The following SAV1 variants were observed in gnomAD, a reference collection of about 807,000 sequenced individuals.
The protein encoded by SAV1 is salvador family WW domain containing protein 1.
SAV1 carries 23 observed loss-of-function variants against 47.3 expected under a neutral mutation model. That is an observed-to-expected ratio of 0.49 (90% CI 0.35 to 0.69). SAV1 has a LOEUF of 0.69. Among genes scored for constraint, SAV1 ranks in the 30% least tolerant of loss-of-function variants. The probability of loss-of-function intolerance (pLI) is 0.01; values close to 1 mark genes in which losing one functional copy is unlikely to be tolerated. For missense variants in SAV1, 448 were observed against 457.4 expected (o/e 0.98, Z 0.19); for synonymous variants, 155 against 159.2 (o/e 0.97, Z 0.20).
intron 2 of SAV1, among the ~76,000 whole-genome samples, 175 bp from the exon 3 acceptor site, chr14:50,645,189 T>C (rs924017831): frequency 7.9e-5 from 12 of 152,252 alleles, no homozygotes; most frequent in African/African-American, 2.6e-4. Flanking sequence ...TATTAAGGAA[T>C]TATAAAAAGG....
rs2039891998 is a variant in SAV1 at position 50,665,325 on chromosome 14, C to G, written c.389G>C (p.Gly130Ala). The change falls in exon 2 of 5, where the codon GGT becomes GCT. Residue 130 changes from glycine (G) to alanine (A), a missense_variant. By Grantham distance (60) the Gly-to-Ala change is moderately conservative. Transcript: ENST00000324679. ...ATTGTCTGAATAATAATATCGGGAA[C>G]CAGAGTCTCCATTTTCAACAGCAAA... ...VSFAVENGDS[G>A]SRYYYSDNFF... 1 of 1,613,598 alleles carries G rather than the reference C, an allele frequency of 6.2e-7. No individual in the cohort carries two copies. Among genetic ancestry groups the G allele is most frequent in the African/African-American group, 1.3e-5 (1 of 74,862 alleles).
chr14:50,657,579 A>G lies in SAV1; in HGVS notation c.535+7600T>C, dbSNP rs538371306. Reference sequence around the variant, plus strand: ...TTCTTTAAAGAAAAATATGACTACCACTAGTAAAAGAAAAAGCAAGCCACC... The same window carrying G: ...TTCTTTAAAGAAAAATATGACTACCGCTAGTAAAAGAAAAAGCAAGCCACC... On this transcript the variant is annotated intron_variant, in intron 2 of 4. Transcript: ENST00000324679. 7.7e-4 allele frequency among the ~76,000 whole-genome samples: 117 copies of G among 152,336 alleles called. No homozygotes were observed. In the East Asian group the frequency reaches 0.013, roughly 17 times the overall value.
chr14:50,667,698 T>C (rs1295786701), intron 1 of SAV1, among the ~76,000 whole-genome samples, 176 bp downstream of exon 1: 2 of 151,972 alleles, frequency 1.3e-5, no homozygotes, highest in Non-Finnish European at 2.9e-5. Flanking sequence ...AGTTTCTTAC[T>C]CTTATGGGCT....
At chr14:50,664,156 G>A (rs1343266641) in intron 2 of SAV1, 2 of 152,142 alleles carry the variant, frequency 1.3e-5, no homozygotes, top group Admixed American at 1.3e-4. Context: ...TGACCATTGT[G>A]TATAGATTGG....
intron 2 of SAV1, among the ~76,000 whole-genome samples, chr14:50,655,811 C>A (rs1275769150): frequency 6.6e-6 from 1 of 151,824 alleles, no homozygotes; most frequent in Non-Finnish European, 1.5e-5. Context: ...ACTGGGGGGC[C>A]GAGGTGGGTG....
At chr14:50,651,108 TC>T (rs1180794199) in intron 2 of SAV1, among the ~76,000 whole-genome samples, 1 of 151,700 alleles carries the variant, frequency 6.6e-6, no homozygotes, top group Non-Finnish European at 1.5e-5. Context: ...GTGTGTGAAC[TC>T]CAACTTCATG....
At chr14:50,659,073 ATTTTTTTT>A (rs33946852) in intron 2 of SAV1, among the ~76,000 whole-genome samples, 5 of 131,124 alleles carry the variant, frequency 3.8e-5, no homozygotes, top group African/African-American at 1.5e-4. Context: ...GCTGTAAAGA[ATTTTTTTT>A]TTTTTTTTTT....
chr14:50,653,688 G>A (rs998265813), intron 2 of SAV1, among the ~76,000 whole-genome samples: 1 of 152,004 alleles, frequency 6.6e-6, no homozygotes, highest in Non-Finnish European at 1.5e-5. Context: ...GGCCAACATG[G>A]TGAAACCCTG....
At chr14:50,640,356 G>A (rs892832132) in intron 4 of SAV1, among the ~76,000 whole-genome samples, 1 of 152,146 alleles carries the variant, frequency 6.6e-6, no homozygotes, top group Non-Finnish European at 1.5e-5. Context: ...CTGGACTTAA[G>A]AGATCCTCCT....
intron 2 of SAV1, among the ~76,000 whole-genome samples, chr14:50,658,486 G>A (rs978503217): frequency 2.6e-5 from 4 of 152,130 alleles, no homozygotes; most frequent in African/African-American, 7.2e-5. Flanking sequence ...ACAGCTAAAC[G>A]TAGAACTTTC....
rs141413426 is a variant in SAV1, at chr14:50,657,655, A to G, written c.535+7524T>C. Among the ~76,000 whole-genome samples the G allele has an allele frequency of 3.9e-5, 6 of 152,356 alleles. 1 individual carries two copies. Among genetic ancestry groups the G allele is most frequent in the African/African-American group, 1.2e-4 (5 of 41,580 alleles). On this transcript the variant is annotated intron_variant, in intron 2 of 4. Coordinates refer to ENST00000324679, the MANE Select transcript of SAV1 (RefSeq NM_021818.4). ...AAATGGTAACTTCAGTTTTTGAGTG[A>G]CAAGAACAAAATTACCTTTCTGTAA...
intron 2 of SAV1, among the ~76,000 whole-genome samples, chr14:50,651,167 G>A (rs1378989914): frequency 6.6e-6 from 1 of 152,152 alleles, no homozygotes; most frequent in African/African-American, 2.4e-5. Flanking sequence ...CCAAAATCCT[G>A]AACCACAGAA....
chr14:50,644,031 T>C (rs1254290623), intron 3 of SAV1, among the ~76,000 whole-genome samples: 1 of 152,244 alleles, frequency 6.6e-6, no homozygotes, highest in Non-Finnish European at 1.5e-5. Flanking sequence ...TTTGAAATAT[T>C]TGCAACTTCA....
In SAV1 at chr14:50,635,119, G is replaced by GC. The variant is rs2039623266; in HGVS notation, c.*63dup. ...CATTTATTAACCAGAGTACTTGTTT[G>GC]CAATTTTTTATCTGTGAAAATATTT... is the stretch of plus-strand genomic sequence containing the variant. On this transcript the variant is annotated 3_prime_UTR_variant, in exon 5 of 5. Coordinates refer to ENST00000324679, the MANE Select transcript of SAV1 (RefSeq NM_021818.4). 1 of 1,228,532 alleles carries GC rather than the reference G, an allele frequency of 8.1e-7. No homozygotes were observed. Among genetic ancestry groups the GC allele is most frequent in the Non-Finnish European group, 1.2e-6 (1 of 845,332 alleles). 76.1% of individuals were successfully genotyped at this position (1,228,532 alleles called of 1,614,324 possible). A position where few individuals can be genotyped will look rare whatever the true frequency, so the allele number is the denominator to read the frequency against.
chr14:50,668,084 C>A lies in SAV1; in HGVS notation c.-117G>T. ...CGCCGCCTCCTTCCCTCCCGAGCCG[C>A]CGCCTCCGCCGCCGCCTGTCCGGAG... On this transcript the variant is annotated 5_prime_UTR_variant, in exon 1 of 5. Coordinates refer to ENST00000324679, the MANE Select transcript of SAV1 (RefSeq NM_021818.4). 1 of 553,446 alleles carries A rather than the reference C, an allele frequency of 1.8e-6. No individual in the cohort carries two copies. Among genetic ancestry groups the A allele is most frequent in the Non-Finnish European group, 2.7e-6 (1 of 371,686 alleles). The allele number at this position is 553,446 out of a possible 1,614,324, so 34.3% of individuals were successfully genotyped here.
intron 3 of SAV1, among the ~76,000 whole-genome samples, chr14:50,644,407 T>C (rs1022346680): frequency 1.3e-5 from 2 of 152,206 alleles, no homozygotes; most frequent in Non-Finnish European, 2.9e-5. Context: ...GTAGGTCTGT[T>C]ATTATTTGTA....
At chr14:50,664,995 A>G (rs866265171) in intron 2 of SAV1, 184 bp downstream of exon 2, 10 of 659,800 alleles carry the variant, frequency 1.5e-5, no homozygotes, top group African/African-American at 3.8e-5. Context: ...AATGGTCACA[A>G]GGACTCTTCC....
At chr14:50,637,663 A>T (rs1010112875) in intron 4 of SAV1, 1 of 128,768 alleles carries the variant, frequency 7.8e-6, no homozygotes, top group African/African-American at 3.4e-5. Flanking sequence ...CAATTTTGTC[A>T]GTTTTTTTTT....
At chr14:50,664,425 CAAG>C (rs1266185673) in intron 2 of SAV1, 2 of 152,000 alleles carry the variant, frequency 1.3e-5, no homozygotes, top group Admixed American at 6.6e-5. Flanking sequence ...AAAAATCAGA[CAAG>C]AAAGTTTAAT....
Sources: allele counts gnomAD v4.1 joint callset (sites outside exome capture counted in the v4.1 genomes callset), GRCh38; gene constraint gnomAD v4.1.1; transcripts MANE v1.5; gene names NCBI Gene and HGNC (gene_info 2026-07-23, HGNC 2026-07-21).